NRCAM: variants seen among roughly 807,000 people sequenced by gnomAD.
The protein encoded by NRCAM is neuronal cell adhesion molecule.
Under a neutral mutation model 156.5 loss-of-function variants are expected in NRCAM, and 83 were observed. The ratio of observed to expected loss-of-function variants is 0.53; its 90% CI spans 0.44 to 0.64. The LOEUF is 0.64. NRCAM is among the 30% of genes least tolerant of loss of function. The probability of loss-of-function intolerance (pLI) is 0.00; values close to 1 mark genes in which losing one functional copy is unlikely to be tolerated. For missense variants in NRCAM, 1,417 were observed against 1,597.3 expected (o/e 0.89, Z 1.92); for synonymous variants, 538 against 563.9 (o/e 0.95, Z 0.65).
At chr7:108,455,734 C>T (rs1165268332) in intron 1 of NRCAM, among the ~76,000 whole-genome samples, 1 of 152,200 alleles carries the variant, frequency 6.6e-6, no homozygotes, top group Non-Finnish European at 1.5e-5. Context: ...CGCAGGGGCC[C>T]GAACAGGCAC....
At chr7:108,379,231 T>G (rs910950294) in intron 2 of NRCAM, among the ~76,000 whole-genome samples, 2 of 152,168 alleles carry the variant, frequency 1.3e-5, no homozygotes, top group African/African-American at 4.8e-5. Context: ...GTAAAACTAC[T>G]ATCTCTGAAA....
At chr7:108,266,829 A>G (rs2097124656) in intron 3 of NRCAM, among the ~76,000 whole-genome samples, 1 of 152,218 alleles carries the variant, frequency 6.6e-6, no homozygotes, top group Non-Finnish European at 1.5e-5. Context: ...ACAAAGGAAA[A>G]AGAAAGGGCC....
intron 2 of NRCAM, among the ~76,000 whole-genome samples, chr7:108,325,528 T>C (rs1435532338): frequency 1.3e-5 from 2 of 152,142 alleles, no homozygotes; most frequent in African/African-American, 4.8e-5. Flanking sequence ...TCAGGGCTTT[T>C]CTTGTATGTC....
At chr7:108,231,316 G>A (rs1385723496) in intron 7 of NRCAM, among the ~76,000 whole-genome samples, 163 bp from the exon 8 acceptor site, 1 of 152,076 alleles carries the variant, frequency 6.6e-6, no homozygotes, top group Non-Finnish European at 1.5e-5. Context: ...AAAGAAAAAA[G>A]TAAAAATTTA....
At chr7:108,357,104 T>C (rs773242197) in intron 2 of NRCAM, among the ~76,000 whole-genome samples, 1 of 152,170 alleles carries the variant, frequency 6.6e-6, no homozygotes, top group African/African-American at 2.4e-5. Flanking sequence ...TTCCAGTCTA[T>C]GATATTCTAT....
At chr7:108,383,769 A>G (rs944365481) in intron 2 of NRCAM, among the ~76,000 whole-genome samples, 6 of 152,224 alleles carry the variant, frequency 3.9e-5, no homozygotes, top group African/African-American at 1.2e-4. Flanking sequence ...ACCTGGGGAA[A>G]TATAAGAAAT....
At chr7:108,246,479 G>A (rs1201670495) in intron 3 of NRCAM, among the ~76,000 whole-genome samples, 1 of 152,086 alleles carries the variant, frequency 6.6e-6, no homozygotes, top group Non-Finnish European at 1.5e-5. Context: ...AAAAGCCAAA[G>A]GTCAAATAGA....
Position 108,194,157 on chromosome 7 carries a change from C to T in NRCAM, c.1645G>A (p.Val549Ile), listed in dbSNP as rs762185421. The T allele has an allele frequency of 1.1e-5, 17 of 1,613,936 alleles. No homozygotes were observed. The highest frequency in any genetic ancestry group is 6.7e-5 in the East Asian group (3 of 44,894). ...HLEIKDPTWIVKQPEYAVVQR... is the reference protein window; with the variant it reads ...HLEIKDPTWIIKQPEYAVVQR... ...ACAACTGCATATTCGGGCTGTTTAA[C>T]GATCCATGTAGGATCTGAAATGTAG... Residue 549 changes from valine (V) to isoleucine (I), a missense_variant, in exon 17 of 33, where the codon GTT (valine) becomes ATT (isoleucine). By Grantham distance (29) the Val-to-Ile change is conservative (BLOSUM62 3). Coordinates refer to ENST00000379028, the MANE Select transcript of NRCAM (RefSeq NM_001037132.4).
chr7:108,237,056 GA>G (rs1325872965), intron 5 of NRCAM, among the ~76,000 whole-genome samples: 1 of 152,102 alleles, frequency 6.6e-6, no homozygotes, highest in Non-Finnish European at 1.5e-5. Flanking sequence ...TCAGTAGTAA[GA>G]AAAACAGTGA....
chr7:108,269,708 A>C (rs1012740836), intron 3 of NRCAM, among the ~76,000 whole-genome samples: 18 of 152,264 alleles, frequency 1.2e-4, no homozygotes, highest in Non-Finnish European at 2.6e-4. Context: ...AACTCCATTA[A>C]TCAGTCAGTT....
chr7:108,420,456 C>T (rs1398024640), intron 1 of NRCAM, among the ~76,000 whole-genome samples: 1 of 152,078 alleles, frequency 6.6e-6, no homozygotes, highest in East Asian at 1.9e-4. Context: ...AATAAATAGG[C>T]GAATAGATTC....
At position 108,255,898 on chromosome 7, in the gene NRCAM, GC is replaced by G. The variant is rs1233881191; in HGVS notation, c.-106-15729del. On this transcript the variant is annotated intron_variant, in intron 3 of 32. Coordinates refer to ENST00000379028, the MANE Select transcript of NRCAM (RefSeq NM_001037132.4). ...TGAGGAGCGTCTCCGCCCGGCAGCC[GC>G]CCCGTCCGGGAGGTGGGGGGCAGCC... Among the ~76,000 whole-genome samples the G allele has an allele frequency of 1.9e-4, 14 of 74,864 alleles. No individual in the cohort carries two copies. In the Admixed American group the frequency reaches 1.9e-3, roughly 10 times the overall value. The allele number at this position is 74,864 out of a possible 152,430, so 49.1% of individuals were successfully genotyped here. A position where few individuals can be genotyped will look rare whatever the true frequency, so the allele number is the denominator to read the frequency against.
chr7:108,360,953 A>G (rs2099546429), intron 2 of NRCAM, among the ~76,000 whole-genome samples: 1 of 152,212 alleles, frequency 6.6e-6, no homozygotes, highest in Non-Finnish European at 1.5e-5. Context: ...ACAAGTGACA[A>G]AAGAAAATAA....
intron 1 of NRCAM, among the ~76,000 whole-genome samples, chr7:108,429,055 A>G (rs944434619): frequency 2.0e-5 from 3 of 152,172 alleles, no homozygotes; most frequent in African/African-American, 7.2e-5. Context: ...TTCAGAGGGC[A>G]TGGTGAAATA....
At chr7:108,225,825 C>G (rs2093350282) in intron 9 of NRCAM, 124 bp from the exon 10 acceptor site, 1 of 740,878 alleles carries the variant, frequency 1.3e-6, no homozygotes, top group Non-Finnish European at 2.5e-6. Context: ...CAAGTAAAAA[C>G]AGTGCTTTAC....
At chr7:108,274,172 G>A (rs567094814) in intron 3 of NRCAM, among the ~76,000 whole-genome samples, 30 of 152,282 alleles carry the variant, frequency 2.0e-4, no homozygotes, top group Admixed American at 3.3e-4. Flanking sequence ...GTCAGGTAGC[G>A]TGATGCCTCC....
chr7:108,423,490 A>G (rs1261536149), intron 1 of NRCAM, among the ~76,000 whole-genome samples: 1 of 152,166 alleles, frequency 6.6e-6, no homozygotes, highest in Non-Finnish European at 1.5e-5. Flanking sequence ...ATAAAAGGTA[A>G]CTTCAAATAT....
intron 2 of NRCAM, among the ~76,000 whole-genome samples, chr7:108,388,193 T>C (rs572023881): frequency 2.6e-4 from 40 of 152,316 alleles, no homozygotes; most frequent in African/African-American, 8.9e-4. Flanking sequence ...AAAGTGTTCC[T>C]ATTTCTCCAC....
intron 32 of NRCAM, among the ~76,000 whole-genome samples, chr7:108,152,301 G>A (rs1016052215): frequency 6.6e-6 from 1 of 151,936 alleles, no homozygotes; most frequent in Non-Finnish European, 1.5e-5. Context: ...GAGTTAGCAA[G>A]GTGAATAGTT....
Sources: gnomAD v4.1 joint callset for allele counts (sites outside exome capture counted in the v4.1 genomes callset) on GRCh38, gnomAD v4.1.1 for gene constraint, MANE v1.5 for transcripts, NCBI Gene and HGNC (gene_info 2026-07-23, HGNC 2026-07-21) for gene names.